SLC22A23: variants seen among roughly 807,000 people sequenced by gnomAD.
SLC22A23 encodes ion transporter protein.
In SLC22A23, 26 loss-of-function variants were observed where a neutral mutation model predicts 61.0. That is an observed-to-expected ratio of 0.43 (90% CI 0.31 to 0.59). The LOEUF (loss-of-function observed/expected upper bound fraction) is 0.59. Among genes scored for constraint, SLC22A23 ranks in the 20% least tolerant of loss-of-function variants. The probability of loss-of-function intolerance (pLI) is 0.11; values close to 1 mark genes in which losing one functional copy is unlikely to be tolerated. For missense variants in SLC22A23, 796 were observed against 934.7 expected (o/e 0.85, Z 1.94); for synonymous variants, 430 against 413.9 (o/e 1.04, Z -0.47).
intron 4 of SLC22A23, among the ~76,000 whole-genome samples, chr6:3,310,773 ATTCAC>A (rs1203970048): frequency 2.0e-5 from 3 of 152,180 alleles, no homozygotes; most frequent in Non-Finnish European, 4.4e-5. Flanking sequence ...CTTCCTGCCA[ATTCAC>A]TTAACACCTG....
At position 3,432,150 on chromosome 6, in the gene SLC22A23, C is replaced by T. The variant is rs186692210; in HGVS notation, c.655-16295G>A. The stretch of plus-strand genomic sequence containing the variant: ...TCCCCAAGGTTCCTCAGTGTAGAGG[C>T]GGTAGTGCTAGGGTTCAAACCGGTT... On this transcript the variant is annotated intron_variant, in intron 1 of 9. Transcript: ENST00000406686. 2.9e-4 allele frequency: 274 copies of T among 948,986 alleles called. 1 individual carries two copies. The African/African-American group carries it at 4.3e-3, about 15-fold the overall frequency. 58.8% of individuals were successfully genotyped at this position (948,986 alleles called of 1,614,324 possible). A position where few individuals can be genotyped will look rare whatever the true frequency, so the allele number is the denominator to read the frequency against.
Position 3,333,277 on chromosome 6 carries a change from T to C in SLC22A23, c.914-9275A>G, listed in dbSNP as rs536393781. On this transcript the variant is annotated intron_variant, in intron 3 of 9. Transcript: ENST00000406686. The surrounding 1 kb of genome is among the most constrained non-coding windows in gnomAD (Gnocchi z 4.1). The stretch of plus-strand genomic sequence containing the variant: ...AGCAACAAGGGCCAGCTCTTTGCCC[T>C]GAAATACGGTCAGTTCAGAAGAGGC... 1.3e-5 allele frequency among the ~76,000 whole-genome samples: 2 copies of C among 152,320 alleles called. No individual in the cohort carries two copies. The highest frequency in any genetic ancestry group is 1.9e-4 in the East Asian group (1 of 5,188).
At position 3,322,151 on chromosome 6, in the gene SLC22A23, G is replaced by A. The variant is rs1292953574; in HGVS notation, c.1082+1683C>T. 6.6e-6 allele frequency among the ~76,000 whole-genome samples: 1 copy of A among 152,150 alleles called. No homozygotes were observed. Among genetic ancestry groups the A allele is most frequent in the Non-Finnish European group, 1.5e-5 (1 of 68,024 alleles). On this transcript the variant is annotated intron_variant, in intron 4 of 9. Coordinates refer to ENST00000406686, the MANE Select transcript of SLC22A23 (RefSeq NM_015482.2). This position sits in a 1 kb window ranked among gnomAD's most constrained non-coding sequence, Gnocchi z 4.1. ...GGTCCAGGCTCTGACGTGAGTCAGC[G>A]GGGGTCAGGGGACCGCGGTTCTGTC...
intron 3 of SLC22A23, among the ~76,000 whole-genome samples, chr6:3,361,445 G>T (rs1342599165): frequency 1.3e-5 from 2 of 152,164 alleles, no homozygotes; most frequent in Non-Finnish European, 2.9e-5. Context: ...TTAGGAGCAG[G>T]ATGTCACAGA....
intron 3 of SLC22A23, among the ~76,000 whole-genome samples, chr6:3,339,327 A>G (rs1376195762): frequency 1.3e-5 from 2 of 152,140 alleles, no homozygotes; most frequent in African/African-American, 2.4e-5. Flanking sequence ...GCTTTGTTAC[A>G]AAGCTTTTTG....
Position 3,309,772 on chromosome 6 carries a change from G to A in SLC22A23, c.1083-11554C>T, listed in dbSNP as rs1454430117. On this transcript the variant is annotated intron_variant, in intron 4 of 9. Coordinates refer to ENST00000406686, the MANE Select transcript of SLC22A23 (RefSeq NM_015482.2). The surrounding 1 kb of genome is among the most constrained non-coding windows in gnomAD (Gnocchi z 4.7). The stretch of plus-strand genomic sequence containing the variant: ...GGATGGCTCTCCAATCACTCACCAG[G>A]GACAGGCAACATTACAAAACGGAAC... 6.6e-6 allele frequency among the ~76,000 whole-genome samples: 1 copy of A among 152,184 alleles called. No homozygotes were observed. The highest frequency in any genetic ancestry group is 1.5e-5 in the Non-Finnish European group (1 of 68,038).
intron 1 of SLC22A23, among the ~76,000 whole-genome samples, chr6:3,441,285 C>A (rs1368798794): frequency 2.0e-5 from 3 of 152,134 alleles, no homozygotes; most frequent in African/African-American, 7.2e-5. Flanking sequence ...GCCCTTCTCT[C>A]CTGGATCTCT....
rs1326368737 is a variant in SLC22A23 at position 3,387,843 on chromosome 6, G to C, written c.913+22345C>G. Among the ~76,000 whole-genome samples, 1 of 152,176 alleles carries C rather than the reference G, an allele frequency of 6.6e-6. No individual in the cohort carries two copies. The highest frequency in any genetic ancestry group is 6.5e-5 in the Admixed American group (1 of 15,278). On this transcript the variant is annotated intron_variant, in intron 3 of 9. Transcript: ENST00000406686. This position sits in a 1 kb window ranked among gnomAD's most constrained non-coding sequence, Gnocchi z 5.0. ...GGCTTCTCTGATAAAGTTCTCTGAGGGTGAGTGGCAGGAAAGGAGAAGGCA... is the reference window on the plus strand; with the variant it reads ...GGCTTCTCTGATAAAGTTCTCTGAGCGTGAGTGGCAGGAAAGGAGAAGGCA...
chr6:3,416,797 A>G (rs1263558157), intron 1 of SLC22A23, among the ~76,000 whole-genome samples: 1 of 152,236 alleles, frequency 6.6e-6, no homozygotes, highest in South Asian at 2.1e-4. Context: ...ACTCCAGGTC[A>G]GTGGAGACGG....
At chr6:3,284,131 G>A (rs1449125421) in intron 8 of SLC22A23, 156 bp from the exon 9 acceptor site, 1 of 675,734 alleles carries the variant, frequency 1.5e-6, no homozygotes, top group East Asian at 3.0e-5. Context: ...AGCACCTCAA[G>A]GACTAGAAGC....
At chr6:3,382,778 A>G (rs1767036376) in intron 3 of SLC22A23, among the ~76,000 whole-genome samples, 1 of 152,270 alleles carries the variant, frequency 6.6e-6, no homozygotes, top group African/African-American at 2.4e-5. Flanking sequence ...GCCATCTGGG[A>G]CATTACAGAA....
At chr6:3,292,837 G>A (rs1030969947) in intron 5 of SLC22A23, among the ~76,000 whole-genome samples, 2 of 151,446 alleles carry the variant, frequency 1.3e-5, no homozygotes, top group African/African-American at 4.8e-5. Context: ...AGAACTCGGC[G>A]CGGCCTCTGG....
At chr6:3,367,210 T>C (rs1045783419) in intron 3 of SLC22A23, among the ~76,000 whole-genome samples, 1 of 152,132 alleles carries the variant, frequency 6.6e-6, no homozygotes, top group African/African-American at 2.4e-5. Flanking sequence ...AGAGCATCAG[T>C]CTCATGGCCC....
intron 1 of SLC22A23, among the ~76,000 whole-genome samples, chr6:3,431,168 C>A (rs1770840928): frequency 6.6e-6 from 1 of 152,070 alleles, no homozygotes; most frequent in African/African-American, 2.4e-5. Context: ...GGAGGGATAC[C>A]TGCACCTGGA....
At chr6:3,402,370 T>C (rs1768452304) in intron 3 of SLC22A23, among the ~76,000 whole-genome samples, 1 of 151,868 alleles carries the variant, frequency 6.6e-6, no homozygotes, top group Admixed American at 6.6e-5. Flanking sequence ...TCTGTGTGTG[T>C]TGTTCCATCC....
At chr6:3,284,374 T>C (rs1759770091) in intron 8 of SLC22A23, among the ~76,000 whole-genome samples, 1 of 152,132 alleles carries the variant, frequency 6.6e-6, no homozygotes, top group Admixed American at 6.5e-5. Flanking sequence ...TCAGGGTTGA[T>C]TTAAGGAAAC....
chr6:3,367,994 C>T (rs979306), intron 3 of SLC22A23, among the ~76,000 whole-genome samples: 106,785 of 152,054 alleles, frequency 0.7, 37,731 homozygotes, highest in East Asian at 0.84. Flanking sequence ...ACCAGCGGAC[C>T]GAGAGACCCA....
chr6:3,437,711 A>G (rs1771315243), intron 1 of SLC22A23, among the ~76,000 whole-genome samples: 1 of 150,232 alleles, frequency 6.7e-6, no homozygotes, highest in Non-Finnish European at 1.5e-5. Context: ...AATAAATAAT[A>G]ATAATTTTAA....
rs183323154 is a variant in SLC22A23 at position 3,284,908 on chromosome 6, A to C, written c.1579+171T>G. 2.1e-3 allele frequency: 3,158 copies of C among 1,538,608 alleles called. 110 individuals are homozygous for C. In the Admixed American group the frequency reaches 0.058, roughly 28 times the overall value. ...GCTCTTTCTAGAGGCAAGAGGGAGA[A>C]TACAAATGTATCCGTATAGTGTCCA... On this transcript the variant is annotated intron_variant, in intron 8 of 9. Coordinates refer to ENST00000406686, the MANE Select transcript of SLC22A23 (RefSeq NM_015482.2).
Sources: gnomAD v4.1 joint callset for allele counts (sites outside exome capture counted in the v4.1 genomes callset) on GRCh38, gnomAD v4.1.1 for gene constraint, Gnocchi (gnomAD v3.1) non-coding constraint, MANE v1.5 for transcripts, NCBI Gene and HGNC (gene_info 2026-07-23, HGNC 2026-07-21) for gene names.